The following BLTP3A variants were observed in gnomAD, a reference collection of about 807,000 sequenced individuals.
The protein encoded by BLTP3A is ICBP90 binding protein 1.
the BLTP3A span, among the ~76,000 whole-genome samples, chr6:34,844,329 C>T: frequency 6.6e-6 from 1 of 152,196 alleles, no homozygotes; most frequent in East Asian, 1.9e-4. Context: ...AGGCTGGAGT[C>T]AGTGGCAAGA....
At chr6:34,836,335 G>A in the BLTP3A span, 2 of 1,614,002 alleles carry the variant, frequency 1.2e-6, no homozygotes, top group South Asian at 1.1e-5. Flanking sequence ...ATGATAGCCA[G>A]TCCCGAGAGC....
At chr6:34,833,440 C>G in the BLTP3A span, among the ~76,000 whole-genome samples, 1 of 150,738 alleles carries the variant, frequency 6.6e-6, no homozygotes. Flanking sequence ...CCAGGTCTTG[C>G]TGTTGTGTCT....
chr6:34,798,407 G>A, the BLTP3A span, among the ~76,000 whole-genome samples: 1 of 152,090 alleles, frequency 6.6e-6, no homozygotes, highest in Non-Finnish European at 1.5e-5. Context: ...TATATGTAGG[G>A]TAGAATTTTT....
the BLTP3A span, among the ~76,000 whole-genome samples, chr6:34,806,145 G>A: frequency 6.6e-6 from 1 of 152,074 alleles, no homozygotes; most frequent in Admixed American, 6.5e-5. Context: ...CACCTATTTG[G>A]CAATTATCAT....
the BLTP3A span, among the ~76,000 whole-genome samples, chr6:34,849,075 T>C: frequency 6.6e-6 from 1 of 151,936 alleles, no homozygotes; most frequent in African/African-American, 2.4e-5. Flanking sequence ...CTCAGCTCAT[T>C]GCAACCTCCG....
At chr6:34,839,568 G>A in the BLTP3A span, among the ~76,000 whole-genome samples, 1 of 152,218 alleles carries the variant, frequency 6.6e-6, no homozygotes, top group Non-Finnish European at 1.5e-5. Context: ...TCATGCCCAG[G>A]GTTAGGTTCC....
the BLTP3A span, among the ~76,000 whole-genome samples, chr6:34,806,352 A>T: frequency 6.6e-6 from 1 of 152,184 alleles, no homozygotes; most frequent in African/African-American, 2.4e-5. Flanking sequence ...TGAGCCCATT[A>T]ACCCTAGCCA....
chr6:34,835,535 A>G, the BLTP3A span: 1 of 1,499,478 alleles, frequency 6.7e-7, no homozygotes, highest in Non-Finnish European at 9.0e-7. Flanking sequence ...ATACTAATGT[A>G]GGTGGAATCT....
the BLTP3A span, among the ~76,000 whole-genome samples, chr6:34,797,247 C>T: frequency 1.8e-4 from 27 of 152,042 alleles, no homozygotes; most frequent in Non-Finnish European, 2.6e-4. Flanking sequence ...TTTAAATGAC[C>T]GCAGGAAATG....
chr6:34,858,373 G>A, the BLTP3A span: 1 of 1,614,116 alleles, frequency 6.2e-7, no homozygotes, highest in Admixed American at 1.7e-5. Context: ...CTTTCAGATG[G>A]ATTCCTGCCT....
chr6:34,842,382 A>G, the BLTP3A span, among the ~76,000 whole-genome samples: 1 of 152,192 alleles, frequency 6.6e-6, no homozygotes, highest in Non-Finnish European at 1.5e-5. Flanking sequence ...ATTTCAGAAC[A>G]TTTTTGTTTC....
the BLTP3A span, among the ~76,000 whole-genome samples, chr6:34,831,456 C>T: frequency 6.6e-6 from 1 of 152,108 alleles, no homozygotes; most frequent in African/African-American, 2.4e-5. Flanking sequence ...AATTATTGAA[C>T]AGAAATTATT....
the BLTP3A span, among the ~76,000 whole-genome samples, chr6:34,827,386 TAAAAG>T: frequency 3.3e-5 from 5 of 152,148 alleles, no homozygotes; most frequent in Admixed American, 1.3e-4. Context: ...TCTATTCAAA[TAAAAG>T]AAAAGAGGAT....
the BLTP3A span, chr6:34,867,542 T>C: frequency 6.2e-7 from 1 of 1,614,110 alleles, no homozygotes; most frequent in South Asian, 1.1e-5. Context: ...ACTGTGGCCC[T>C]GCAAGCAGAG....
chr6:34,831,190 C>T, the BLTP3A span, among the ~76,000 whole-genome samples: 1 of 151,266 alleles, frequency 6.6e-6, no homozygotes, highest in Non-Finnish European at 1.5e-5. Context: ...TGCAATGGCG[C>T]AGTCTCAGCT....
At chr6:34,876,478 T>C in the BLTP3A span, 4 of 152,230 alleles carry the variant, frequency 2.6e-5, no homozygotes, top group African/African-American at 7.2e-5. Flanking sequence ...CATAGTAATA[T>C]GGGAACTTTT....
chr6:34,836,278 GTCC>G, the BLTP3A span: 1 of 1,614,196 alleles, frequency 6.2e-7, no homozygotes, highest in Non-Finnish European at 8.5e-7. Context: ...ATGTGAAAGA[GTCC>G]TCCTACCATC....
the BLTP3A span, among the ~76,000 whole-genome samples, chr6:34,827,323 AAAAAC>A: frequency 2.0e-5 from 3 of 147,540 alleles, no homozygotes; most frequent in Non-Finnish European, 3.0e-5. Flanking sequence ...AAAAAAGAAA[AAAAAC>A]AAAACAAAGA....
the BLTP3A span, chr6:34,836,206 TGGC>T: frequency 6.2e-7 from 1 of 1,614,068 alleles, no homozygotes. Context: ...AGGCATTTGG[TGGC>T]AGCCAGGGCA....
Sources: allele counts gnomAD v4.1 joint callset (sites outside exome capture counted in the v4.1 genomes callset), GRCh38; gene constraint gnomAD v4.1.1; transcripts MANE v1.5; gene names NCBI Gene and HGNC (gene_info 2026-07-23, HGNC 2026-07-21).